HGD: variants seen among roughly 807,000 people sequenced by gnomAD.
HGD encodes homogentisate oxidase.
In HGD, 61 loss-of-function variants were observed where a neutral mutation model predicts 60.8. The ratio of observed to expected loss-of-function variants is 1.00; its 90% CI spans 0.82 to 1.24. The LOEUF (loss-of-function observed/expected upper bound fraction) is 1.24. Among genes scored for constraint, HGD ranks in the 50% most tolerant of loss-of-function variants. The probability of loss-of-function intolerance (pLI) is 0.00; values close to 1 mark genes in which losing one functional copy is unlikely to be tolerated. For missense variants in HGD, 542 were observed against 547.1 expected (o/e 0.99, Z 0.09); for synonymous variants, 212 against 187.7 (o/e 1.13, Z -1.06).
At chr3:120,644,741 A>G (rs774209882) in intron 9 of HGD, 35 of 718,294 alleles carry the variant, frequency 4.9e-5, no homozygotes, top group Non-Finnish European at 7.3e-5. Context: ...GGGAAGAGAG[A>G]AAGAGAACTG....
At chr3:120,672,320 G>A (rs1016571457) in intron 3 of HGD, among the ~76,000 whole-genome samples, 5 of 152,144 alleles carry the variant, frequency 3.3e-5, no homozygotes, top group Non-Finnish European at 7.4e-5. Context: ...CTCTGATAAA[G>A]GAATCTGAAA....
chr3:120,679,161 A>G (rs752552028), intron 1 of HGD, among the ~76,000 whole-genome samples: 18 of 152,350 alleles, frequency 1.2e-4, no homozygotes, highest in Non-Finnish European at 2.4e-4. Flanking sequence ...GCAGCTTATG[A>G]GTATACAGCT....
rs781491692 is a variant in HGD, at chr3:120,646,329, G to A, written c.587C>T (p.Thr196Ile). ...MRFSIDVFEE[T>I]RGYILEVYGV... ...ATAGACCTCCAAGATGTAGCCCCTG[G>A]TCTCCTCAAAGACATCTATGCTGAA... The change falls in exon 9 of 14, where the codon ACC becomes ATC. Residue 196 changes from threonine (T) to isoleucine (I), a missense_variant. By Grantham distance (89) the Thr-to-Ile change is moderately conservative. Coordinates refer to ENST00000283871, the MANE Select transcript of HGD (RefSeq NM_000187.4). 2.5e-6 allele frequency: 4 copies of A among 1,613,480 alleles called. No individual in the cohort carries two copies. The highest frequency in any genetic ancestry group is 2.2e-5 in the East Asian group (1 of 44,884).
intron 6 of HGD, among the ~76,000 whole-genome samples, chr3:120,649,772 C>T (rs191959998): frequency 2.6e-5 from 4 of 152,208 alleles, no homozygotes; most frequent in East Asian, 1.9e-4. Flanking sequence ...AGTTTTGTCC[C>T]GGAAATACAT....
In HGD at chr3:120,644,318, C is replaced by G; in HGVS notation, c.774+1G>C. Reference sequence around the variant, plus strand: ...CTTGCCTGCCAACCCTTTTACTTTACCTGTTTGGCAGCAAACAGCTTGCCC... The same window carrying G: ...CTTGCCTGCCAACCCTTTTACTTTAGCTGTTTGGCAGCAAACAGCTTGCCC... On this transcript the variant is annotated splice_donor_variant, in intron 10 of 13. Coordinates refer to ENST00000283871, the MANE Select transcript of HGD (RefSeq NM_000187.4). LOFTEE classifies it high-confidence loss of function. 1 of 1,614,010 alleles carries G rather than the reference C, an allele frequency of 6.2e-7. No homozygotes were observed. Among genetic ancestry groups the G allele is most frequent in the Non-Finnish European group, 8.5e-7 (1 of 1,179,984 alleles).
intron 12 of HGD, chr3:120,633,724 C>G (rs954974270): frequency 1.3e-5 from 8 of 595,504 alleles, no homozygotes; most frequent in Non-Finnish European, 2.1e-5. Flanking sequence ...ATAACCCTTT[C>G]CCAAGTAGCT....
At position 120,628,513 on chromosome 3, in the gene HGD, G is replaced by A. The variant is rs1421124947; in HGVS notation, c.1205C>T (p.Ser402Leu). ...ADGTMAFMFESSLSLAVTKWG... is the reference protein window; with the variant it reads ...ADGTMAFMFELSLSLAVTKWG... Reference sequence around the variant, plus strand: ...CTTTGTGACCGCCAGACTTAAAGATGATTCAAACATAAATGCCTGGAGGAA... The same window carrying A: ...CTTTGTGACCGCCAGACTTAAAGATAATTCAAACATAAATGCCTGGAGGAA... The change falls in exon 14 of 14, where the codon TCA becomes TTA. Residue 402 changes from serine (S) to leucine (L), a missense_variant. Ser to Leu is a moderately radical substitution (Grantham distance 145). This residue lies in a region of HGD where 537 missense variants were observed against 529.1 expected (regional missense o/e 1.01). Transcript: ENST00000283871. 1.9e-6 allele frequency: 3 copies of A among 1,613,902 alleles called. No homozygotes were observed. Among genetic ancestry groups the A allele is most frequent in the Non-Finnish European group, 2.5e-6 (3 of 1,179,946 alleles).
At chr3:120,670,697 C>T (rs946321972) in intron 3 of HGD, among the ~76,000 whole-genome samples, 165 bp from the exon 4 acceptor site, 1 of 152,146 alleles carries the variant, frequency 6.6e-6, no homozygotes, top group African/African-American at 2.4e-5. Context: ...TTTTCATGGC[C>T]ATCTGCTGCC....
At chr3:120,635,426 A>T (rs926820597) in intron 12 of HGD, among the ~76,000 whole-genome samples, 1 of 148,762 alleles carries the variant, frequency 6.7e-6, no homozygotes, top group Non-Finnish European at 1.5e-5. Flanking sequence ...GCAGTGAGCC[A>T]AGATGGCGCC....
At chr3:120,669,072 G>A (rs1707966704) in intron 4 of HGD, among the ~76,000 whole-genome samples, 1 of 152,108 alleles carries the variant, frequency 6.6e-6, no homozygotes, top group Non-Finnish European at 1.5e-5. Flanking sequence ...AGACCAAAAG[G>A]AGGAAACTCC....
chr3:120,670,141 G>T, intron 4 of HGD: 1 of 437,088 alleles, frequency 2.3e-6, no homozygotes, highest in Non-Finnish European at 4.2e-6. Context: ...TTCCCTTTCC[G>T]CCATGATTGT....
chr3:120,676,939 G>A lies in HGD; in HGVS notation c.16-1076C>T, dbSNP rs539247154. Among the ~76,000 whole-genome samples, 244 of 152,266 alleles carry A rather than the reference G, an allele frequency of 1.6e-3. 1 individual carries two copies. The highest frequency in any genetic ancestry group is 0.011 in the South Asian group (51 of 4,820). ...AGTTCGTGGATTGTGAAGATTTCATGGACATTTATTAGTTCCCCAAATTAA... is the reference window on the plus strand; with the variant it reads ...AGTTCGTGGATTGTGAAGATTTCATAGACATTTATTAGTTCCCCAAATTAA... On this transcript the variant is annotated intron_variant, in intron 1 of 13. Coordinates refer to ENST00000283871, the MANE Select transcript of HGD (RefSeq NM_000187.4).
chr3:120,651,285 C>T (rs968334204), intron 5 of HGD, among the ~76,000 whole-genome samples: 2 of 152,276 alleles, frequency 1.3e-5, no homozygotes, highest in Admixed American at 6.5e-5. Context: ...CTATGGGCAG[C>T]CCTCTGCTTA....
chr3:120,673,581 C>A (rs2236993), intron 3 of HGD, among the ~76,000 whole-genome samples: 20,223 of 152,170 alleles, frequency 0.13, 1,656 homozygotes, highest in Middle Eastern at 0.24. Context: ...AAATCTTTCT[C>A]TATCTCTTCC....
intron 10 of HGD, 167 bp from the exon 11 acceptor site, chr3:120,641,860 G>A: frequency 3.1e-6 from 2 of 654,506 alleles, no homozygotes; most frequent in Non-Finnish European, 2.8e-6. Flanking sequence ...TTTTGTGGTT[G>A]CTCCACACAC....
intron 12 of HGD, chr3:120,633,720 C>G (rs1940666102): frequency 3.1e-6 from 2 of 637,670 alleles, no homozygotes; most frequent in East Asian, 6.6e-5. Flanking sequence ...GATCATAACC[C>G]TTTCCCAAGT....
Position 120,644,424 on chromosome 3 carries a change from A to T in HGD, c.669T>A (p.Asn223Lys), listed in dbSNP as rs1423008269. Residue 223 changes from asparagine to lysine, a missense_variant, in exon 10 of 14, where the codon AAT (asparagine) becomes AAA (lysine). Physicochemically the swap from Asn to Lys is moderately conservative, Grantham distance 94. Around this residue, in one of 2 missense-constraint regions of HGD, gnomAD observed 537 missense variants for 529.1 expected, o/e 1.01. Transcript: ENST00000283871. The stretch of plus-strand genomic sequence containing the variant: ...CAATGGGTATCAAGAAATCACGAGG[A>T]TTGGCCAAGCCATTGGCCCCTAGAA... Reference protein sequence around the residue: ...LGPIGANGLANPRDFLIPIAW... With the variant: ...LGPIGANGLAKPRDFLIPIAW... 6.2e-7 allele frequency: 1 copy of T among 1,614,026 alleles called. No homozygotes were observed. Among genetic ancestry groups the T allele is most frequent in the Non-Finnish European group, 8.5e-7 (1 of 1,180,004 alleles).
rs572282543 is a variant in HGD at position 120,674,082 on chromosome 3, C to T, written c.176+819G>A. Among the ~76,000 whole-genome samples the T allele has an allele frequency of 1.1e-4, 17 of 152,280 alleles. No individual in the cohort carries two copies. The South Asian group carries it at 3.3e-3, about 30-fold the overall frequency. ...CTATCTCATTTGCTTCTCAGAAGGA[C>T]CTGTGGAGATAAACCCAGGCTGCCC... On this transcript the variant is annotated intron_variant, in intron 3 of 13. Transcript: ENST00000283871.
At chr3:120,634,200 G>T (rs769485658) in intron 12 of HGD, among the ~76,000 whole-genome samples, 4 of 152,186 alleles carry the variant, frequency 2.6e-5, no homozygotes, top group Non-Finnish European at 5.9e-5. Flanking sequence ...AGCTCTGTGT[G>T]TAAGAAAGTT....
Sources: gnomAD v4.1 joint callset for allele counts (sites outside exome capture counted in the v4.1 genomes callset) on GRCh38, gnomAD v4.1.1 for gene constraint, gnomAD v4.1.1 regional missense constraint, MANE v1.5 for transcripts, NCBI Gene and HGNC (gene_info 2026-07-23, HGNC 2026-07-21) for gene names.